Variants in CTNNA3 observed in about 807,000 individuals in gnomAD.
The protein encoded by CTNNA3 is catenin alpha-3.
A neutral mutation model predicts 95.7 loss-of-function variants in CTNNA3; 76 were observed. That is an observed-to-expected ratio of 0.79 (90% CI 0.66 to 0.96). The LOEUF (loss-of-function observed/expected upper bound fraction) is 0.96, where lower values mean the gene tolerates loss of function less well. Among genes scored for constraint, CTNNA3 ranks in the 40% least tolerant of loss-of-function variants. CTNNA3 has a pLI of 0.00. For missense variants in CTNNA3, 1,191 were observed against 1,089.8 expected (o/e 1.09, Z -1.31); for synonymous variants, 431 against 374.4 (o/e 1.15, Z -1.74).
chr10:67,679,035 G>T (rs182249981), intron 1 of CTNNA3, among the ~76,000 whole-genome samples: 52 of 152,174 alleles, frequency 3.4e-4, no homozygotes, highest in Non-Finnish European at 6.8e-4. Context: ...CAAGGAGAAT[G>T]GTCTTTAAAA....
chr10:67,563,991 CA>C (rs1841647970), intron 3 of CTNNA3, among the ~76,000 whole-genome samples: 1 of 148,850 alleles, frequency 6.7e-6, no homozygotes, highest in Non-Finnish European at 1.5e-5. Context: ...AGTCAGGAAA[CA>C]ACAGGTGCTG....
At chr10:67,446,223 C>T (rs1013916286) in intron 5 of CTNNA3, among the ~76,000 whole-genome samples, 1 of 152,078 alleles carries the variant, frequency 6.6e-6, no homozygotes, top group Non-Finnish European at 1.5e-5. Flanking sequence ...AACATCTAAA[C>T]CCTTCCACTG....
At chr10:66,563,853 T>C (rs1391929649) in intron 10 of CTNNA3, among the ~76,000 whole-genome samples, 1 of 152,042 alleles carries the variant, frequency 6.6e-6, no homozygotes, top group African/African-American at 2.4e-5. Context: ...GAAAGGATAA[T>C]CAGAAACTCA....
chr10:66,066,466 A>T (rs1487419374), intron 15 of CTNNA3, among the ~76,000 whole-genome samples: 1 of 152,170 alleles, frequency 6.6e-6, no homozygotes, highest in African/African-American at 2.4e-5. Context: ...AAGCAGAGAC[A>T]TATACAAACA....
intron 7 of CTNNA3, among the ~76,000 whole-genome samples, chr10:66,817,363 A>C (rs1047737201): frequency 6.6e-6 from 1 of 152,058 alleles, no homozygotes; most frequent in African/African-American, 2.4e-5. Flanking sequence ...GATAAAAGTC[A>C]ACAAAACCAA....
At chr10:66,273,659 T>C (rs1468834452) in intron 13 of CTNNA3, among the ~76,000 whole-genome samples, 1 of 152,090 alleles carries the variant, frequency 6.6e-6, no homozygotes, top group Non-Finnish European at 1.5e-5. Flanking sequence ...TGCAAAAATA[T>C]CAAAAGGAAT....
At chr10:65,935,330 A>T (rs1293811856) in intron 17 of CTNNA3, among the ~76,000 whole-genome samples, 1 of 152,128 alleles carries the variant, frequency 6.6e-6, no homozygotes, top group African/African-American at 2.4e-5. Flanking sequence ...TCATGGAGAT[A>T]ATTTGCACTA....
At chr10:67,441,195 C>G (rs1248036706) in intron 5 of CTNNA3, among the ~76,000 whole-genome samples, 1 of 150,794 alleles carries the variant, frequency 6.6e-6, no homozygotes, top group Admixed American at 6.6e-5. Flanking sequence ...AATAGCAGAA[C>G]TGGTCAATCA....
intron 9 of CTNNA3, among the ~76,000 whole-genome samples, chr10:66,707,399 A>AT (rs113734614): frequency 0.014 from 2,024 of 149,566 alleles, 51 homozygotes; most frequent in African/African-American, 0.046. Flanking sequence ...TTACATTTTA[A>AT]TTTTTTTTTT....
chr10:67,454,328 A>C (rs901593022), intron 5 of CTNNA3, among the ~76,000 whole-genome samples: 1 of 152,164 alleles, frequency 6.6e-6, no homozygotes, highest in Admixed American at 6.6e-5. Context: ...AGTAAGTTCA[A>C]TTCACAACTG....
chr10:66,296,380 G>A (rs1164732582), intron 12 of CTNNA3, among the ~76,000 whole-genome samples: 2 of 152,028 alleles, frequency 1.3e-5, no homozygotes, highest in South Asian at 2.1e-4. Context: ...ATATTAAAAT[G>A]ACTATGAAGT....
chr10:67,503,931 G>A (rs958097140), intron 5 of CTNNA3, among the ~76,000 whole-genome samples: 2 of 152,150 alleles, frequency 1.3e-5, no homozygotes, highest in Non-Finnish European at 2.9e-5. Flanking sequence ...GCCAAGGCGG[G>A]CGGATCACAA....
At chr10:66,930,240 G>A (rs1461328044) in intron 7 of CTNNA3, among the ~76,000 whole-genome samples, 1 of 152,098 alleles carries the variant, frequency 6.6e-6, no homozygotes, top group African/African-American at 2.4e-5. Context: ...TACAATAGAT[G>A]CCACTTCAGA....
chr10:67,078,226 AGAGT>A (rs1166899557), intron 7 of CTNNA3, among the ~76,000 whole-genome samples: 5 of 152,202 alleles, frequency 3.3e-5, no homozygotes, highest in Admixed American at 2.6e-4. Flanking sequence ...ATGGGCATGA[AGAGT>A]GATCTTCCCC....
chr10:66,538,421 G>C (rs929739430), intron 10 of CTNNA3, among the ~76,000 whole-genome samples: 2 of 152,106 alleles, frequency 1.3e-5, no homozygotes, highest in African/African-American at 2.4e-5. Context: ...TAAATCTGCT[G>C]TTAGGTGCTG....
intron 5 of CTNNA3, among the ~76,000 whole-genome samples, chr10:67,423,341 A>G (rs1026084603): frequency 2.0e-5 from 3 of 152,134 alleles, no homozygotes; most frequent in Non-Finnish European, 4.4e-5. Flanking sequence ...ATTTTACATG[A>G]CCCAGGCAGA....
At chr10:67,655,049 C>T (rs564195849) in intron 1 of CTNNA3, among the ~76,000 whole-genome samples, 123 of 152,168 alleles carry the variant, frequency 8.1e-4, no homozygotes, top group Non-Finnish European at 1.5e-3. Context: ...TATTTATTAT[C>T]GACCTTCTCC....
intron 7 of CTNNA3, among the ~76,000 whole-genome samples, chr10:67,164,491 G>A (rs1424133526): frequency 6.6e-6 from 1 of 151,940 alleles, no homozygotes; most frequent in Non-Finnish European, 1.5e-5. Flanking sequence ...AATATAAAAC[G>A]TTTAGGAAAA....
intron 9 of CTNNA3, among the ~76,000 whole-genome samples, chr10:66,629,850 T>C (rs1245270259): frequency 6.6e-6 from 1 of 152,116 alleles, no homozygotes; most frequent in South Asian, 2.1e-4. Flanking sequence ...TTCACACCAC[T>C]TATACTTGCT....
Sources: gnomAD v4.1 joint callset for allele counts (sites outside exome capture counted in the v4.1 genomes callset) on GRCh38, gnomAD v4.1.1 for gene constraint, MANE v1.5 for transcripts, NCBI Gene and HGNC (gene_info 2026-07-23, HGNC 2026-07-21) for gene names.